CNTNAP3B: variants seen among roughly 807,000 people sequenced by gnomAD.
CNTNAP3B encodes contactin associated protein family member 3B, also known as contactin-associated protein-like 3B.
In CNTNAP3B, 25 loss-of-function variants were observed where a neutral mutation model predicts 108.9. The observed-to-expected ratio is 0.23, with a 90% CI of 0.17 to 0.32. CNTNAP3B has a LOEUF of 0.32. CNTNAP3B is among the 10% of genes least tolerant of loss of function. The probability of loss-of-function intolerance (pLI) is 1.00; values close to 1 mark genes in which losing one functional copy is unlikely to be tolerated. For missense variants in CNTNAP3B, 252 were observed against 1,210.4 expected (o/e 0.21, Z 11.75); for synonymous variants, 103 against 473.4 (o/e 0.22, Z 10.16).
At chr9:41,967,847 G>A (rs1587159908) in intron 10 of CNTNAP3B, among the ~76,000 whole-genome samples, 1 of 152,276 alleles carries the variant, frequency 6.6e-6, no homozygotes. Context: ...TAATTTAAAA[G>A]TGCTTTCTTA....
intron 1 of CNTNAP3B, among the ~76,000 whole-genome samples, chr9:42,123,905 T>C (rs1303709334): frequency 1.6e-5 from 2 of 123,166 alleles, no homozygotes; most frequent in Non-Finnish European, 3.3e-5. Context: ...AGGGCCTCAA[T>C]TGCAAATGCT....
At chr9:41,939,951 G>T (rs1824283298) in intron 13 of CNTNAP3B, among the ~76,000 whole-genome samples, 1 of 152,022 alleles carries the variant, frequency 6.6e-6, no homozygotes, top group Admixed American at 6.6e-5. Flanking sequence ...TAGGACCCCA[G>T]GACTGGAACA....
At chr9:42,089,710 T>C (rs1374872910) in intron 2 of CNTNAP3B, among the ~76,000 whole-genome samples, 1,800 of 144,790 alleles carry the variant, frequency 0.012, 1 homozygote, top group African/African-American at 0.046. Flanking sequence ...CATGATCACA[T>C]GGAAGGACAT....
intron 2 of CNTNAP3B, among the ~76,000 whole-genome samples, chr9:42,078,510 T>TGAA (rs1262319472): frequency 2.2e-5 from 3 of 139,420 alleles, no homozygotes; most frequent in East Asian, 4.2e-4. Flanking sequence ...TTGTTTTGCT[T>TGAA]TTTATTGTTC....
intron 15 of CNTNAP3B, among the ~76,000 whole-genome samples, chr9:41,925,831 G>A (rs1159367455): frequency 1.2e-4 from 18 of 152,244 alleles, no homozygotes; most frequent in African/African-American, 2.7e-4. Context: ...AATGATCCAG[G>A]CTCATCTTAA....
intron 3 of CNTNAP3B, among the ~76,000 whole-genome samples, chr9:42,071,293 A>C (rs1827374386): frequency 6.8e-6 from 1 of 146,370 alleles, no homozygotes; most frequent in Non-Finnish European, 1.5e-5. Context: ...GAAGAATTCT[A>C]TCAGGAAGAG....
intron 3 of CNTNAP3B, among the ~76,000 whole-genome samples, chr9:42,026,934 TAA>T (rs1223217188): frequency 3.9e-5 from 4 of 102,616 alleles, no homozygotes; most frequent in African/African-American, 4.3e-5. Flanking sequence ...CATTTTATGT[TAA>T]GTGTGTTTTA....
At chr9:41,997,295 T>A (rs1825917143) in intron 6 of CNTNAP3B, among the ~76,000 whole-genome samples, 1 of 152,010 alleles carries the variant, frequency 6.6e-6, no homozygotes, top group Admixed American at 6.6e-5. Flanking sequence ...TTCAAATGAG[T>A]ACATTTAATA....
chr9:42,090,768 C>G lies in CNTNAP3B; in HGVS notation c.197-13706G>C, dbSNP rs1450011965. 3.6e-5 allele frequency among the ~76,000 whole-genome samples: 3 copies of G among 82,616 alleles called. 1 individual carries two copies. The highest frequency in any genetic ancestry group is 7.4e-5 in the Non-Finnish European group (3 of 40,758). The allele number at this position is 82,616 out of a possible 152,430, so 54.2% of individuals were successfully genotyped here. A position where few individuals can be genotyped will look rare whatever the true frequency, so the allele number is the denominator to read the frequency against. On this transcript the variant is annotated intron_variant, in intron 2 of 23. Coordinates refer to ENST00000377561, the MANE Select transcript of CNTNAP3B (RefSeq NM_001201380.3). Reference sequence around the variant, plus strand: ...GTGTGTTTATATGCACACACACTGACCATGTATGTACTGACATATATATAC... The same window carrying G: ...GTGTGTTTATATGCACACACACTGAGCATGTATGTACTGACATATATATAC...
At chr9:41,915,956 AACTT>A (rs1185929553) in intron 18 of CNTNAP3B, among the ~76,000 whole-genome samples, 73 of 151,706 alleles carry the variant, frequency 4.8e-4, no homozygotes, top group African/African-American at 1.7e-3. Flanking sequence ...GGTTTACACT[AACTT>A]AATACAAGTG....
At chr9:41,932,969 T>C (rs1251930056) in intron 14 of CNTNAP3B, among the ~76,000 whole-genome samples, 3 of 152,422 alleles carry the variant, frequency 2.0e-5, no homozygotes, top group African/African-American at 7.2e-5. Context: ...ACTACAGCAA[T>C]ACAGTATGTC....
At chr9:42,068,253 T>A (rs1220670923) in intron 3 of CNTNAP3B, among the ~76,000 whole-genome samples, 2 of 62,280 alleles carry the variant, frequency 3.2e-5, no homozygotes, top group Non-Finnish European at 6.0e-5. Flanking sequence ...AGACTTTCAC[T>A]GACAGGGTCC....
chr9:42,103,215 A>G (rs1454732447), intron 2 of CNTNAP3B, among the ~76,000 whole-genome samples: 1 of 144,518 alleles, frequency 6.9e-6, no homozygotes, highest in Non-Finnish European at 1.5e-5. Flanking sequence ...AATAGAATCT[A>G]AAGTAACGAA....
At chr9:41,894,381 G>A (rs1415104424) in intron 23 of CNTNAP3B, among the ~76,000 whole-genome samples, 2 of 90,700 alleles carry the variant, frequency 2.2e-5, no homozygotes, top group Non-Finnish European at 4.1e-5. Context: ...TCTCACCTTG[G>A]CCTCCCAAAT....
Position 42,118,047 on chromosome 9 carries a change from C to CA in CNTNAP3B, c.85+10962dup, listed in dbSNP as rs1160683977. ...AGGCAATAAGTAATAGCTTAACAAC[C>CA]AAAAAAAGTCCAGGACCAGATGGAT... On this transcript the variant is annotated intron_variant, in intron 1 of 23. Coordinates refer to ENST00000377561, the MANE Select transcript of CNTNAP3B (RefSeq NM_001201380.3). 1.5e-5 allele frequency among the ~76,000 whole-genome samples: 2 copies of CA among 130,410 alleles called. 1 individual carries two copies. The highest frequency in any genetic ancestry group is 6.1e-5 in the African/African-American group (2 of 32,560). 85.6% of individuals were successfully genotyped at this position (130,410 alleles called of 152,430 possible). A position where few individuals can be genotyped will look rare whatever the true frequency, so the allele number is the denominator to read the frequency against.
rs1182716345 is a variant in CNTNAP3B at position 42,099,219 on chromosome 9, T to C, written c.196+5410A>G. Among the ~76,000 whole-genome samples, 4 of 122,390 alleles carry C rather than the reference T, an allele frequency of 3.3e-5. 1 individual carries two copies. In the East Asian group the frequency reaches 1.2e-3, roughly 36 times the overall value. The allele number at this position is 122,390 out of a possible 152,430, so 80.3% of individuals were successfully genotyped here. ...AGTGTTTATTTTCTTTACAATATTG[T>C]CATCAACTCATAACCAAATATCACA... On this transcript the variant is annotated intron_variant, in intron 2 of 23. Transcript: ENST00000377561.
chr9:41,940,041 T>C (rs1238542123), intron 13 of CNTNAP3B, among the ~76,000 whole-genome samples: 1 of 152,298 alleles, frequency 6.6e-6, no homozygotes, highest in African/African-American at 2.4e-5. Flanking sequence ...ATCACTGAAC[T>C]TGAGGACCCA....
intron 1 of CNTNAP3B, among the ~76,000 whole-genome samples, chr9:42,124,748 A>T (rs1394929630): frequency 7.9e-6 from 1 of 126,072 alleles, no homozygotes; most frequent in East Asian, 2.5e-4. Context: ...TGTCCTAGGC[A>T]ATAAACTTCC....
intron 15 of CNTNAP3B, among the ~76,000 whole-genome samples, chr9:41,926,348 T>A (rs1823818872): frequency 6.6e-6 from 1 of 152,226 alleles, no homozygotes; most frequent in Non-Finnish European, 1.5e-5. Flanking sequence ...AATCAATAAG[T>A]GTTATGTTAA....
Sources: allele counts gnomAD v4.1 joint callset (sites outside exome capture counted in the v4.1 genomes callset), GRCh38; gene constraint gnomAD v4.1.1; transcripts MANE v1.5; gene names NCBI Gene and HGNC (gene_info 2026-07-23, HGNC 2026-07-21).